Variants in SUGCT observed in about 807,000 individuals in gnomAD.
The protein encoded by SUGCT is succinyl-CoA:glutarate CoA-transferase.
SUGCT carries 41 observed loss-of-function variants against 55.0 expected under a neutral mutation model. That is an observed-to-expected ratio of 0.74 (90% CI 0.58 to 0.97). SUGCT has a LOEUF of 0.97. Among genes scored for constraint, SUGCT ranks in the 50% least tolerant of loss-of-function variants. The pLI is 0.00. For synonymous variants in SUGCT, 187 were observed against 200.4 expected, an observed-to-expected ratio of 0.93 and a Z score of 0.56; for missense variants, 568 against 547.8, an observed-to-expected ratio of 1.04 and a Z score of -0.37.
the SUGCT span, among the ~76,000 whole-genome samples, chr7:40,909,363 C>G: frequency 6.6e-6 from 1 of 152,170 alleles, no homozygotes; most frequent in Admixed American, 6.5e-5. Flanking sequence ...CCACCTGTCT[C>G]TTTGACTTAC....
intron 12 of SUGCT, among the ~76,000 whole-genome samples, chr7:40,703,482 ACTT>A (rs1785260160): frequency 6.6e-6 from 1 of 152,022 alleles, no homozygotes; most frequent in Non-Finnish European, 1.5e-5. Flanking sequence ...ACATACTCAA[ACTT>A]CTTTGGAGAC....
chr7:41,023,084 A>T, the SUGCT span, among the ~76,000 whole-genome samples: 1 of 152,194 alleles, frequency 6.6e-6, no homozygotes, highest in Admixed American at 6.5e-5. Context: ...GGTGTGTGCC[A>T]GTTTGGGATG....
intron 9 of SUGCT, among the ~76,000 whole-genome samples, chr7:40,343,628 T>C (rs1057178615): frequency 6.6e-6 from 1 of 152,098 alleles, no homozygotes; most frequent in Admixed American, 6.6e-5. Flanking sequence ...TCTGAACATT[T>C]TTATTAGTTG....
At chr7:40,496,237 T>C (rs1279073174) in intron 11 of SUGCT, 47 bp from the exon 12 acceptor site, 7 of 1,254,052 alleles carry the variant, frequency 5.6e-6, no homozygotes, top group Non-Finnish European at 8.1e-6. Context: ...AGAGGCTGTG[T>C]TACATTCCTT....
chr7:40,953,358 C>CT, the SUGCT span, among the ~76,000 whole-genome samples: 1 of 152,218 alleles, frequency 6.6e-6, no homozygotes, highest in African/African-American at 2.4e-5. Context: ...TTTGTCTCAT[C>CT]TTTTTTCAAG....
At chr7:40,462,894 C>A (rs117556851) in intron 11 of SUGCT, among the ~76,000 whole-genome samples, 1,954 of 152,240 alleles carry the variant, frequency 0.013, 35 homozygotes, top group South Asian at 0.024. Flanking sequence ...TTCATAATAA[C>A]CACTTAAAAA....
intron 8 of SUGCT, among the ~76,000 whole-genome samples, chr7:40,305,372 A>G (rs1453538642): frequency 6.6e-6 from 1 of 152,208 alleles, no homozygotes; most frequent in Non-Finnish European, 1.5e-5. Flanking sequence ...AGTTTAACTA[A>G]TAGTTACTGA....
intron 1 of SUGCT, among the ~76,000 whole-genome samples, chr7:40,136,553 G>T (rs1787707003): frequency 6.6e-6 from 1 of 152,144 alleles, no homozygotes; most frequent in South Asian, 2.1e-4. Flanking sequence ...CGTTTCTTCT[G>T]TAGATACAAG....
At chr7:41,023,533 C>T in the SUGCT span, among the ~76,000 whole-genome samples, 1 of 152,080 alleles carries the variant, frequency 6.6e-6, no homozygotes, top group South Asian at 2.1e-4. Flanking sequence ...AGCAAGATAA[C>T]AATCCTGAAT....
intron 12 of SUGCT, among the ~76,000 whole-genome samples, chr7:40,632,815 A>G (rs190724142): frequency 6.6e-6 from 1 of 152,286 alleles, no homozygotes; most frequent in Non-Finnish European, 1.5e-5. Context: ...CTAGTATACA[A>G]GTTCACTTGA....
intron 12 of SUGCT, among the ~76,000 whole-genome samples, chr7:40,503,789 G>T (rs1792434209): frequency 6.6e-6 from 1 of 152,108 alleles, no homozygotes; most frequent in African/African-American, 2.4e-5. Flanking sequence ...AGAAAGAAAA[G>T]AAATCGATAA....
chr7:40,285,684 A>C (rs549402205), intron 8 of SUGCT, among the ~76,000 whole-genome samples: 18 of 152,298 alleles, frequency 1.2e-4, no homozygotes, highest in African/African-American at 4.1e-4. Flanking sequence ...TGCATCAAGC[A>C]TTGTGGCGAG....
At chr7:40,147,999 C>T (rs559021520) in intron 1 of SUGCT, among the ~76,000 whole-genome samples, 355 of 152,306 alleles carry the variant, frequency 2.3e-3, no homozygotes, top group Non-Finnish European at 3.7e-3. Context: ...GCACATGGCC[C>T]CTGCTGCTGT....
At chr7:40,137,742 G>A (rs1487358334) in intron 1 of SUGCT, among the ~76,000 whole-genome samples, 1 of 152,000 alleles carries the variant, frequency 6.6e-6, no homozygotes, top group East Asian at 1.9e-4. Flanking sequence ...GTGCAGTGGC[G>A]CAATCCCAGT....
intron 12 of SUGCT, among the ~76,000 whole-genome samples, chr7:40,644,666 T>C (rs191803257): frequency 1.3e-5 from 2 of 152,306 alleles, no homozygotes; most frequent in African/African-American, 4.8e-5. Context: ...CTCTTAGAAC[T>C]GTCAGGCAGT....
At chr7:40,626,343 G>A (rs1396302311) in intron 12 of SUGCT, among the ~76,000 whole-genome samples, 1 of 150,992 alleles carries the variant, frequency 6.6e-6, no homozygotes, top group East Asian at 1.9e-4. Flanking sequence ...TACAACCTCC[G>A]CCTCCCAGGT....
intron 13 of SUGCT, among the ~76,000 whole-genome samples, chr7:40,772,105 C>A (rs1433671622): frequency 6.6e-6 from 1 of 152,146 alleles, no homozygotes; most frequent in Non-Finnish European, 1.5e-5. Context: ...AGCCAGCTTG[C>A]AGCCTGCTCC....
At chr7:40,696,613 C>G (rs1784944204) in intron 12 of SUGCT, among the ~76,000 whole-genome samples, 1 of 152,168 alleles carries the variant, frequency 6.6e-6, no homozygotes, top group African/African-American at 2.4e-5. Context: ...CCTCTTCCAT[C>G]CGAAGCAGTT....
Position 40,409,616 on chromosome 7 carries a change from C to A in SUGCT, c.817-39671C>A, listed in dbSNP as rs557178758. 2.6e-5 allele frequency among the ~76,000 whole-genome samples: 4 copies of A among 152,142 alleles called. No individual in the cohort carries two copies. The East Asian group carries it at 7.7e-4, about 29-fold the overall frequency. ...TATTGTCATTGTTTTGGCTTTATAG[C>A]AAATTTAGACATCTATTTTCATAAA... On this transcript the variant is annotated intron_variant, in intron 9 of 13. Transcript: ENST00000335693.
Sources: allele counts gnomAD v4.1 joint callset (sites outside exome capture counted in the v4.1 genomes callset), GRCh38; gene constraint gnomAD v4.1.1; transcripts MANE v1.5; gene names NCBI Gene and HGNC (gene_info 2026-07-23, HGNC 2026-07-21).